SDK1: variants seen among roughly 807,000 people sequenced by gnomAD.
The protein encoded by SDK1 is sidekick cell adhesion molecule 1.
Under a neutral mutation model 245.5 loss-of-function variants are expected in SDK1, and 157 were observed. The ratio of observed to expected loss-of-function variants is 0.64; its 90% CI spans 0.56 to 0.73. SDK1 has a LOEUF of 0.73. SDK1 is among the 30% of genes least tolerant of loss of function. The probability of loss-of-function intolerance (pLI) is 0.00; values close to 1 mark genes in which losing one functional copy is unlikely to be tolerated. For missense variants in SDK1, 3,583 were observed against 3,002.3 expected, an observed-to-expected ratio of 1.19 and a Z score of -4.52; for synonymous variants, 1,647 against 1,278.5, an observed-to-expected ratio of 1.29 and a Z score of -6.15.
At chr7:3,973,653 T>C (rs1316348970) in intron 12 of SDK1, among the ~76,000 whole-genome samples, 2 of 152,100 alleles carry the variant, frequency 1.3e-5, no homozygotes, top group African/African-American at 4.8e-5. Context: ...GACAACACTC[T>C]TGTCCTCCAG....
intron 5 of SDK1, among the ~76,000 whole-genome samples, chr7:3,909,711 A>G (rs1779093176): frequency 6.6e-6 from 1 of 152,154 alleles, no homozygotes. Context: ...AATATTTTTT[A>G]ATTTACTACA....
At chr7:3,572,067 A>C (rs1285275370) in intron 1 of SDK1, among the ~76,000 whole-genome samples, 1 of 152,066 alleles carries the variant, frequency 6.6e-6, no homozygotes, top group African/African-American at 2.4e-5. Context: ...GTGAAAGGAC[A>C]CCCTTTAAAA....
intron 4 of SDK1, among the ~76,000 whole-genome samples, chr7:3,669,987 C>T (rs976713211): frequency 6.6e-6 from 1 of 152,176 alleles, no homozygotes; most frequent in African/African-American, 2.4e-5. Flanking sequence ...TTCTTTTTCT[C>T]TTCCACCACA....
chr7:3,628,539 C>G (rs745811735), intron 2 of SDK1, among the ~76,000 whole-genome samples: 43 of 152,038 alleles, frequency 2.8e-4, no homozygotes, highest in Non-Finnish European at 2.9e-5. Flanking sequence ...AGAGACTCCC[C>G]ACAACATCCT....
chr7:3,480,691 A>G (rs1476341436), intron 1 of SDK1, among the ~76,000 whole-genome samples: 1 of 152,232 alleles, frequency 6.6e-6, no homozygotes, highest in African/African-American at 2.4e-5. Flanking sequence ...TATGGATTGT[A>G]GTCCCCTGCT....
At chr7:3,477,934 G>T (rs747054745) in intron 1 of SDK1, among the ~76,000 whole-genome samples, 2 of 152,024 alleles carry the variant, frequency 1.3e-5, no homozygotes, top group Admixed American at 6.6e-5. Context: ...ACAGTGTTTT[G>T]TCCTATGGTG....
intron 41 of SDK1, among the ~76,000 whole-genome samples, chr7:4,234,494 G>A (rs1786019635): frequency 6.6e-6 from 1 of 152,178 alleles, no homozygotes; most frequent in Non-Finnish European, 1.5e-5. Context: ...CTACCACAGG[G>A]GAAGGGAAAC....
intron 1 of SDK1, among the ~76,000 whole-genome samples, chr7:3,489,172 C>T (rs575571130): frequency 3.9e-5 from 6 of 152,030 alleles, no homozygotes; most frequent in South Asian, 2.1e-4. Flanking sequence ...GAATTTAAGG[C>T]TAGGGGTGGG....
chr7:3,417,491 C>T (rs942580989), intron 1 of SDK1, among the ~76,000 whole-genome samples: 1 of 152,056 alleles, frequency 6.6e-6, no homozygotes, highest in Non-Finnish European at 1.5e-5. Flanking sequence ...TGGTCAAGTT[C>T]TAACTCTTCA....
chr7:4,029,992 T>A (rs1787669657), intron 17 of SDK1, among the ~76,000 whole-genome samples: 1 of 152,148 alleles, frequency 6.6e-6, no homozygotes, highest in African/African-American at 2.4e-5. Flanking sequence ...ACACTTGGGG[T>A]TTACACCCAG....
At chr7:4,092,812 C>G (rs561032926) in intron 22 of SDK1, among the ~76,000 whole-genome samples, 14 of 152,256 alleles carry the variant, frequency 9.2e-5, no homozygotes. Context: ...ACAGCCAAGC[C>G]CCGTCTCGAG....
At chr7:3,346,715 A>G (rs1438596467) in intron 1 of SDK1, among the ~76,000 whole-genome samples, 6 of 124,846 alleles carry the variant, frequency 4.8e-5, no homozygotes, top group Non-Finnish European at 8.1e-5. Flanking sequence ...GTGTGTGTGT[A>G]TATATGTATA....
intron 4 of SDK1, among the ~76,000 whole-genome samples, chr7:3,672,796 A>ATATAAAT: frequency 1.9e-5 from 1 of 53,416 alleles, no homozygotes; most frequent in East Asian, 6.3e-4. Flanking sequence ...TATATATATA[A>ATATAAAT]AAAATACAGA....
chr7:3,756,052 C>T (rs1017232672), intron 4 of SDK1, among the ~76,000 whole-genome samples: 3 of 147,282 alleles, frequency 2.0e-5, no homozygotes, highest in Non-Finnish European at 3.0e-5. Flanking sequence ...ATATGTATAT[C>T]GTGGTTTTAA....
chr7:4,180,937 G>C (rs749031035), intron 35 of SDK1, among the ~76,000 whole-genome samples: 29 of 152,120 alleles, frequency 1.9e-4, no homozygotes, highest in Non-Finnish European at 3.8e-4. Flanking sequence ...GACACATCCA[G>C]GCCATATAAG....
intron 2 of SDK1, among the ~76,000 whole-genome samples, chr7:3,636,014 T>C (rs907068209): frequency 6.6e-6 from 1 of 152,240 alleles, no homozygotes; most frequent in Non-Finnish European, 1.5e-5. Context: ...AAATATGATG[T>C]ACCTTATTCA....
chr7:3,789,296 C>T (rs750121622), intron 4 of SDK1, among the ~76,000 whole-genome samples: 26 of 152,054 alleles, frequency 1.7e-4, no homozygotes, highest in Non-Finnish European at 3.4e-4. Context: ...TCCAGGCATG[C>T]GCCACCACGC....
At chr7:4,212,442 A>G (rs117054450) in intron 38 of SDK1, among the ~76,000 whole-genome samples, 2,005 of 152,328 alleles carry the variant, frequency 0.013, 24 homozygotes, top group Non-Finnish European at 0.021. Context: ...GTCTTAGACA[A>G]TCGATGGACT....
At chr7:3,667,202 G>C (rs922900046) in intron 4 of SDK1, among the ~76,000 whole-genome samples, 3 of 152,162 alleles carry the variant, frequency 2.0e-5, no homozygotes, top group African/African-American at 7.2e-5. Context: ...ACATGTCCAT[G>C]AAGTTTATAT....
Sources: allele counts gnomAD v4.1 joint callset (sites outside exome capture counted in the v4.1 genomes callset), GRCh38; gene constraint gnomAD v4.1.1; transcripts MANE v1.5; gene names NCBI Gene and HGNC (gene_info 2026-07-23, HGNC 2026-07-21).